The following ATRAID variants were observed in gnomAD, a reference collection of about 807,000 sequenced individuals.
The protein encoded by ATRAID is all-trans retinoic acid-induced differentiation factor.
ATRAID carries 26 observed loss-of-function variants against 28.8 expected under a neutral mutation model. The ratio of observed to expected loss-of-function variants is 0.90; its 90% CI spans 0.66 to 1.25. ATRAID has a LOEUF of 1.25. Ranked by LOEUF, ATRAID falls within the 50% of genes most tolerant of loss-of-function variation. ATRAID has a pLI of 0.00. For missense variants in ATRAID, 308 were observed against 285.9 expected (o/e 1.08, Z -0.56); for synonymous variants, 131 against 108.5 (o/e 1.21, Z -1.29).
intron 1 of ATRAID, 163 bp from the exon 2 acceptor site, chr2:27,213,014 T>C (rs1371502586): frequency 3.6e-6 from 3 of 837,314 alleles, no homozygotes; most frequent in Non-Finnish European, 5.5e-6. Flanking sequence ...TGGCATCTCC[T>C]AGCCTAGCCT....
chr2:27,213,385 C>A, intron 2 of ATRAID, 87 bp downstream of exon 2: 1 of 1,484,678 alleles, frequency 6.7e-7, no homozygotes, highest in Admixed American at 2.3e-5. Flanking sequence ...AAAGAATCCA[C>A]CTATTATGGT....
chr2:27,217,022 G>A lies in ATRAID; in HGVS notation c.*74G>A. On this transcript the variant is annotated 3_prime_UTR_variant, in exon 7 of 7. Transcript: ENST00000380171. ...CCCAGTCAGGGAGCTCTGCTTCCTA[G>A]AAAGGCATCTTTCGCCAGTGGATTC... The A allele has an allele frequency of 7.5e-7, 1 of 1,335,402 alleles. No homozygotes were observed. The highest frequency in any genetic ancestry group is 1.3e-5 in the South Asian group (1 of 74,254). The allele number at this position is 1,335,402 out of a possible 1,614,324, so 82.7% of individuals were successfully genotyped here. A position where few individuals can be genotyped will look rare whatever the true frequency, so the allele number is the denominator to read the frequency against.
chr2:27,215,349 G>A lies in ATRAID; in HGVS notation c.250G>A (p.Asp84Asn), dbSNP rs759004244. ...GGATCTCCAGAACTGTTCTCTGGAGGACCCTGGTCCAAACTTTCATCAGGC... is the reference window on the plus strand; with the variant it reads ...GGATCTCCAGAACTGTTCTCTGGAGAACCCTGGTCCAAACTTTCATCAGGC... ...GLDLQNCSLE[D>N]PGPNFHQAHT... The change falls in exon 3 of 7, where the codon GAC becomes AAC. Residue 84 changes from aspartate to asparagine, a missense_variant. Asp to Asn is a conservative substitution (Grantham distance 23). Transcript: ENST00000380171. 5 of 1,614,176 alleles carry A rather than the reference G, an allele frequency of 3.1e-6. No homozygotes were observed. The Admixed American group carries it at 5.0e-5, about 16-fold the overall frequency.
intron 2 of ATRAID, among the ~76,000 whole-genome samples, chr2:27,214,093 T>C (rs1674733223): frequency 6.6e-6 from 1 of 152,258 alleles, no homozygotes; most frequent in African/African-American, 2.4e-5. Context: ...ATCTTTAGTG[T>C]CCACTCAAAT....
At position 27,216,554 on chromosome 2, in the gene ATRAID, T is replaced by C. The variant is rs773647663; in HGVS notation, c.519T>C (p.Pro173=). The change falls in exon 6 of 7, where the codon CCT becomes CCC. Residue 173 remains proline (P), a synonymous_variant. Coordinates refer to ENST00000380171, the MANE Select transcript of ATRAID (RefSeq NM_001170795.4). ...EMCPENGSCV[P]DGPGLLQCVC... ...GTCCTGAGAATGGATCTTGTGTACC[T>C]GATGGTCCAGGTCTTTTGCAGTGTG... The C allele has an allele frequency of 8.1e-6, 13 of 1,614,046 alleles. No individual in the cohort carries two copies. The highest frequency in any genetic ancestry group is 1.7e-5 in the Admixed American group (1 of 60,004).
rs1010606517 is a variant in ATRAID, at chr2:27,212,197, A to G, written c.-172A>G. On this transcript the variant is annotated 5_prime_UTR_variant, in exon 1 of 7. Transcript: ENST00000380171. ...CGGCCAGTATCCCCGAAAGAGGGCT[A>G]GGGCGCATGAAGACCAGCGCAGAGC... The G allele has an allele frequency of 4.5e-6, 7 of 1,552,468 alleles. No individual in the cohort carries two copies. The highest frequency in any genetic ancestry group is 4.0e-5 in the Admixed American group (2 of 50,578).
chr2:27,215,202 C>T, intron 2 of ATRAID, 119 bp from the exon 3 acceptor site: 6 of 984,426 alleles, frequency 6.1e-6, no homozygotes, highest in Non-Finnish European at 7.8e-6. Context: ...GTGTGTGACT[C>T]TGAACACAGC....
intron 1 of ATRAID, 143 bp from the exon 2 acceptor site, chr2:27,213,034 G>A: frequency 9.7e-7 from 1 of 1,027,648 alleles, no homozygotes; most frequent in South Asian, 1.6e-5. Context: ...TGTTACAAGG[G>A]TGGGACACGA....
At chr2:27,212,540 C>A in intron 1 of ATRAID, 73 bp downstream of exon 1, 2 of 1,500,028 alleles carry the variant, frequency 1.3e-6, no homozygotes, top group South Asian at 1.3e-5. Flanking sequence ...GCCAGCGGCT[C>A]CCCCTTCTCC....
rs370704734 is a variant in ATRAID at position 27,212,504 on chromosome 2, T to G, written c.99+37T>G. ...AGTTTGAGGTCGGGCTGAAGCAGGG[T>G]CGCTGGCCAGCCGTGCGTCGCGCTC... On this transcript the variant is annotated intron_variant, in intron 1 of 6. Coordinates refer to ENST00000380171, the MANE Select transcript of ATRAID (RefSeq NM_001170795.4). The G allele has an allele frequency of 5.3e-4, 816 of 1,537,924 alleles. 1 individual carries two copies. The African/African-American group carries it at 9.6e-3, about 18-fold the overall frequency.
chr2:27,212,526 G>C (rs932640153), intron 1 of ATRAID, 59 bp downstream of exon 1: 35 of 1,506,350 alleles, frequency 2.3e-5, no homozygotes, highest in Non-Finnish European at 8.9e-6. Context: ...CGTGCGTCGC[G>C]CTCGCCAGCG....
intron 2 of ATRAID, 74 bp downstream of exon 2, chr2:27,213,372 T>G: frequency 6.6e-6 from 10 of 1,523,768 alleles, no homozygotes; most frequent in Non-Finnish European, 8.8e-6. Flanking sequence ...CCTTATATTA[T>G]TTAAAGAATC....
At position 27,212,441 on chromosome 2, in the gene ATRAID, G is replaced by A. The variant is rs1674616207; in HGVS notation, c.73G>A (p.Val25Met). Reference sequence around the variant, plus strand: ...TGCCGCCCTGCTCCTCGCTCTGGGCGTGGAAAGGGCTCTGGCGCTACCCGA... The same window carrying A: ...TGCCGCCCTGCTCCTCGCTCTGGGCATGGAAAGGGCTCTGGCGCTACCCGA... ...WAAALLLALG[V>M]ERALALPEIC... Residue 25 changes from valine (V) to methionine (M), a missense_variant, in exon 1 of 7, where the codon GTG becomes ATG. Coordinates refer to ENST00000380171, the MANE Select transcript of ATRAID (RefSeq NM_001170795.4). The A allele has an allele frequency of 6.4e-7, 1 of 1,561,972 alleles. No individual in the cohort carries two copies. Among genetic ancestry groups the A allele is most frequent in the Non-Finnish European group, 8.7e-7 (1 of 1,154,138 alleles).
At position 27,212,386 on chromosome 2, in the gene ATRAID, G is replaced by A. The variant is rs1340116132; in HGVS notation, c.18G>A (p.Pro6=). 6.4e-7 allele frequency: 1 copy of A among 1,550,662 alleles called. No homozygotes were observed. Among genetic ancestry groups the A allele is most frequent in the East Asian group, 2.4e-5 (1 of 41,010 alleles). The change falls in exon 1 of 7, where the codon CCG becomes CCA. Residue 6 remains proline (P), a synonymous_variant. Coordinates refer to ENST00000380171, the MANE Select transcript of ATRAID (RefSeq NM_001170795.4). ...AACGGAAAATGGCGCCTCACGACCC[G>A]GGTAGTCTTACGACCCTGGTGCCCT... MAPHD[P]GSLTTLVPWA... is the part of the protein sequence containing the mutation.
At chr2:27,214,800 C>T (rs1487929302) in intron 2 of ATRAID, among the ~76,000 whole-genome samples, 5 of 152,144 alleles carry the variant, frequency 3.3e-5, no homozygotes, top group East Asian at 1.9e-4. Context: ...TGCAGTGAGC[C>T]GAGATCGTGC....
In ATRAID at chr2:27,216,921, C is replaced by T. The variant is rs1182786273; in HGVS notation, c.663C>T (p.Thr221=). The part of the protein sequence containing the change: ...TLSVSILLWA[T]QRRKAKTS ...CCGTCTCCATTCTGCTTTGGGCGACCCAGCGCCGAAAAGCCAAGACTTCAT... is the reference window on the plus strand; with the variant it reads ...CCGTCTCCATTCTGCTTTGGGCGACTCAGCGCCGAAAAGCCAAGACTTCAT... Residue 221 remains threonine, a synonymous_variant, in exon 7 of 7, where the codon ACC becomes ACT. Transcript: ENST00000380171. 6.2e-7 allele frequency: 1 copy of T among 1,613,890 alleles called. No homozygotes were observed. Among genetic ancestry groups the T allele is most frequent in the East Asian group, 2.2e-5 (1 of 44,866 alleles).
chr2:27,216,397 T>C (rs1055187833), intron 5 of ATRAID, 126 bp from the exon 6 acceptor site: 1 of 801,276 alleles, frequency 1.2e-6, no homozygotes, highest in Admixed American at 2.1e-5. Context: ...TGTTTTTATC[T>C]GTAATTTTCT....
In ATRAID at chr2:27,212,124, C is replaced by T. The variant is rs1160099292; in HGVS notation, c.-245C>T. 1.3e-6 allele frequency: 2 copies of T among 1,502,028 alleles called. No individual in the cohort carries two copies. The highest frequency in any genetic ancestry group is 1.8e-6 in the Non-Finnish European group (2 of 1,130,128). The allele number at this position is 1,502,028 out of a possible 1,614,324, so 93.0% of individuals were successfully genotyped here. A position where few individuals can be genotyped will look rare whatever the true frequency, so the allele number is the denominator to read the frequency against. ...GTCTGCAGTCGGCTCCGGGAAGCCG[C>T]GCGGCGACGGGGGAGGCCTTCACTA... On this transcript the variant is annotated 5_prime_UTR_variant, in exon 1 of 7. Transcript: ENST00000380171.
chr2:27,214,830 C>G (rs937869892), intron 2 of ATRAID, among the ~76,000 whole-genome samples: 1 of 152,238 alleles, frequency 6.6e-6, no homozygotes, highest in Non-Finnish European at 1.5e-5. Context: ...CCAGCTTGGG[C>G]AACAGAGTAA....
Sources: gnomAD v4.1 joint callset for allele counts (sites outside exome capture counted in the v4.1 genomes callset) on GRCh38, gnomAD v4.1.1 for gene constraint, MANE v1.5 for transcripts, NCBI Gene and HGNC (gene_info 2026-07-23, HGNC 2026-07-21) for gene names.